DIP2C: variants seen among roughly 807,000 people sequenced by gnomAD.
DIP2C encodes the protein DIP2 acetate--CoA ligase C (putative), also known as disco-interacting protein 2 homolog C.
A neutral mutation model predicts 192.4 loss-of-function variants in DIP2C; 33 were observed. The observed-to-expected ratio is 0.17, with a 90% CI of 0.13 to 0.23. DIP2C has a LOEUF of 0.23. DIP2C is among the 10% of genes least tolerant of loss of function. The pLI, the probability that DIP2C is intolerant of heterozygous loss-of-function variation, is 1.00. For missense variants in DIP2C, 1,537 were observed against 2,110.1 expected (o/e 0.73, Z 5.32); for synonymous variants, 979 against 864.1 (o/e 1.13, Z -2.33).
intron 28 of DIP2C, among the ~76,000 whole-genome samples, chr10:342,304 G>A (rs966008156): frequency 2.0e-5 from 3 of 152,056 alleles, no homozygotes; most frequent in African/African-American, 4.8e-5. Flanking sequence ...GGTTACAGGC[G>A]CCCGCCACCA....
chr10:531,970 A>C (rs965993429), intron 1 of DIP2C, among the ~76,000 whole-genome samples: 4 of 152,214 alleles, frequency 2.6e-5, no homozygotes, highest in Non-Finnish European at 5.9e-5. Flanking sequence ...ATAAACAGAG[A>C]ACACAGGGTA....
rs569228344 is a variant in DIP2C at position 404,499 on chromosome 10, G to A, written c.1149+4427C>T. On this transcript the variant is annotated intron_variant, in intron 9 of 36. Coordinates refer to ENST00000280886, the MANE Select transcript of DIP2C (RefSeq NM_014974.3). ...GCTGGGATTCCAGGCATGAGTCACC[G>A]CACCAGGCCTCATTCTTGAAGTTAA... Among the ~76,000 whole-genome samples, 18 of 152,240 alleles carry A rather than the reference G, an allele frequency of 1.2e-4. No homozygotes were observed. In the East Asian group the frequency reaches 1.9e-3, roughly 16 times the overall value.
chr10:482,474 G>T (rs917746860), intron 2 of DIP2C, among the ~76,000 whole-genome samples: 5 of 152,182 alleles, frequency 3.3e-5, no homozygotes, highest in Non-Finnish European at 5.9e-5. Flanking sequence ...CATGGAGAGA[G>T]GCTGTGCCGC....
intron 1 of DIP2C, among the ~76,000 whole-genome samples, chr10:614,722 T>C (rs569175388): frequency 4.6e-5 from 7 of 152,360 alleles, no homozygotes; most frequent in Non-Finnish European, 7.4e-5. Flanking sequence ...ATCAAATCTT[T>C]ATTCTAATGA....
chr10:582,960 G>T (rs1199778747), intron 1 of DIP2C, among the ~76,000 whole-genome samples: 1 of 152,172 alleles, frequency 6.6e-6, no homozygotes, highest in Non-Finnish European at 1.5e-5. Context: ...TGGGAAAATG[G>T]GGAAGACTAA....
intron 1 of DIP2C, among the ~76,000 whole-genome samples, chr10:561,580 T>C (rs930663883): frequency 6.6e-6 from 1 of 152,104 alleles, no homozygotes; most frequent in African/African-American, 2.4e-5. Context: ...AACAGGATGG[T>C]TCTCAGCCAC....
chr10:671,897 A>C (rs973335633), intron 1 of DIP2C, among the ~76,000 whole-genome samples: 1 of 139,082 alleles, frequency 7.2e-6, no homozygotes, highest in Non-Finnish European at 1.5e-5. Context: ...AGACACACGG[A>C]CGGAGGAAAA....
At chr10:531,084 C>T (rs1482163743) in intron 1 of DIP2C, among the ~76,000 whole-genome samples, 2 of 152,230 alleles carry the variant, frequency 1.3e-5, no homozygotes, top group African/African-American at 2.4e-5. Context: ...TGCACATAAA[C>T]GTCTGCGCCC....
At chr10:370,933 G>A (rs545536149) in intron 17 of DIP2C, among the ~76,000 whole-genome samples, 1 of 152,258 alleles carries the variant, frequency 6.6e-6, no homozygotes, top group South Asian at 2.1e-4. Flanking sequence ...TCTGGAAAAA[G>A]AATTATTCTA....
Position 359,967 on chromosome 10 carries a change from G to A in DIP2C, c.2795-2030C>T, listed in dbSNP as rs1222481965. On this transcript the variant is annotated intron_variant, in intron 22 of 36. Coordinates refer to ENST00000280886, the MANE Select transcript of DIP2C (RefSeq NM_014974.3). ...CTTGGTGACCGATGCTGGGCAAGAC[G>A]AGACGGCTCTTCTAAGAAGTCAACT... Among the ~76,000 whole-genome samples the A allele has an allele frequency of 2.6e-5, 4 of 152,182 alleles. No homozygotes were observed. The East Asian group carries it at 7.7e-4, about 29-fold the overall frequency.
At chr10:444,529 T>G (rs1433612896) in intron 3 of DIP2C, among the ~76,000 whole-genome samples, 1 of 151,898 alleles carries the variant, frequency 6.6e-6, no homozygotes, top group Non-Finnish European at 1.5e-5. Context: ...TTGGTGCTCT[T>G]CCGTCACCCG....
intron 17 of DIP2C, among the ~76,000 whole-genome samples, chr10:372,575 T>G (rs1201722553): frequency 6.6e-6 from 1 of 152,244 alleles, no homozygotes; most frequent in African/African-American, 2.4e-5. Context: ...TGTACATTTA[T>G]TCATATTTGA....
chr10:361,674 G>C (rs1402280307), intron 22 of DIP2C, among the ~76,000 whole-genome samples: 1 of 152,120 alleles, frequency 6.6e-6, no homozygotes, highest in African/African-American at 2.4e-5. Context: ...CCTGGAGAGC[G>C]CTGACACCAT....
At chr10:420,405 G>GA (rs1157656182) in intron 5 of DIP2C, among the ~76,000 whole-genome samples, 1 of 152,290 alleles carries the variant, frequency 6.6e-6, no homozygotes, top group South Asian at 2.1e-4. Flanking sequence ...ACCCGTGACT[G>GA]AAAAGACAAG....
chr10:624,559 C>G (rs1451122839), intron 1 of DIP2C, among the ~76,000 whole-genome samples: 1 of 152,158 alleles, frequency 6.6e-6, no homozygotes, highest in East Asian at 1.9e-4. Context: ...GCTTGGAAGT[C>G]ACTCCCACCA....
At chr10:631,830 G>A (rs1323373835) in intron 1 of DIP2C, among the ~76,000 whole-genome samples, 1 of 152,110 alleles carries the variant, frequency 6.6e-6, no homozygotes, top group South Asian at 2.1e-4. Context: ...GTTTGGCGAA[G>A]GCATTTTCAT....
intron 1 of DIP2C, among the ~76,000 whole-genome samples, chr10:529,603 G>T (rs949992076): frequency 6.6e-6 from 1 of 152,154 alleles, no homozygotes; most frequent in Non-Finnish European, 1.5e-5. Context: ...CCGTAAAACA[G>T]AAAACATCCA....
intron 1 of DIP2C, among the ~76,000 whole-genome samples, chr10:560,243 G>A (rs189447210): frequency 6.6e-6 from 1 of 152,168 alleles, no homozygotes; most frequent in Non-Finnish European, 1.5e-5. Flanking sequence ...GAGAAGACAC[G>A]CGATCAAGGT....
chr10:453,107 A>C (rs1968987557), intron 3 of DIP2C, among the ~76,000 whole-genome samples: 1 of 152,260 alleles, frequency 6.6e-6, no homozygotes, highest in Admixed American at 6.5e-5. Flanking sequence ...GGTTGCTACA[A>C]AACAAATATT....
Sources: allele counts gnomAD v4.1 joint callset (sites outside exome capture counted in the v4.1 genomes callset), GRCh38; gene constraint gnomAD v4.1.1; transcripts MANE v1.5; gene names NCBI Gene and HGNC (gene_info 2026-07-23, HGNC 2026-07-21).